WDR90: variants seen among roughly 807,000 people sequenced by gnomAD.
WDR90 encodes the protein WD repeat-containing protein 90.
WDR90 carries 238 observed loss-of-function variants against 195.2 expected under a neutral mutation model. The observed-to-expected ratio is 1.22, with a 90% CI of 1.10 to 1.36. WDR90 has a LOEUF of 1.36. Among genes scored for constraint, WDR90 ranks in the 40% most tolerant of loss-of-function variants. The pLI, the probability that WDR90 is intolerant of heterozygous loss-of-function variation, is 0.00. For synonymous variants in WDR90, 1,265 were observed against 1,052.4 expected, an observed-to-expected ratio of 1.20 and a Z score of -3.91; for missense variants, 2,734 against 2,439.5, an observed-to-expected ratio of 1.12 and a Z score of -2.54.
chr16:658,419 T>C (rs7188691), intron 22 of WDR90, 75 bp downstream of exon 22: 678,797 of 1,578,494 alleles, frequency 0.43, 165,051 homozygotes, highest in East Asian at 0.98. Flanking sequence ...GCCTGCAGCC[T>C]CTCCAGCTGG....
chr16:666,406 A>G, intron 37 of WDR90, 49 bp from the exon 38 acceptor site: 2 of 1,609,416 alleles, frequency 1.2e-6, no homozygotes, highest in Non-Finnish European at 1.7e-6. Flanking sequence ...GGGGGCAGGC[A>G]CCATCTTGGC....
At chr16:656,230 G>A (rs1277175366) in intron 17 of WDR90, 72 bp from the exon 18 acceptor site, 8 of 1,411,828 alleles carry the variant, frequency 5.7e-6, no homozygotes, top group Admixed American at 1.9e-5. Context: ...TGGGGTGTCG[G>A]GGACCCGAAG....
chr16:662,542 C>T, intron 33 of WDR90, 137 bp from the exon 34 acceptor site: 1 of 1,323,148 alleles, frequency 7.6e-7, no homozygotes, highest in Non-Finnish European at 1.0e-6. Context: ...CATGGGCTTT[C>T]TCTTCTTCCA....
At chr16:652,298 A>G (rs1286458427) in intron 9 of WDR90, 169 bp from the exon 10 acceptor site, 2 of 868,714 alleles carry the variant, frequency 2.3e-6, no homozygotes, top group Admixed American at 2.9e-5. Flanking sequence ...TGGCAGTGCA[A>G]CTGGAGTCCC....
chr16:649,465 T>C, intron 1 of WDR90, 39 bp downstream of exon 1: 1 of 1,286,104 alleles, frequency 7.8e-7, no homozygotes, highest in Non-Finnish European at 9.8e-7. Flanking sequence ...GATCCCGGGT[T>C]CCGGGGTTCC....
At position 655,147 on chromosome 16, in the gene WDR90, G is replaced by A. The variant is rs769382317; in HGVS notation, c.1556G>A (p.Arg519Lys). ...CGGGTCACCTTTTTTGATGAAACCA[G>A]GTGATGCAGCCGCCCATCCACGATG... ...AFRVTFFDET[R>K]MASCGQGSVR... Residue 519 changes from arginine (R) to lysine (K), a missense_variant and splice_region_variant, in exon 14 of 41, where the codon AGG (arginine) becomes AAG (lysine). Arg to Lys is a conservative substitution (Grantham distance 26). Coordinates refer to ENST00000293879, the MANE Select transcript of WDR90 (RefSeq NM_145294.5). 1 of 1,612,634 alleles carries A rather than the reference G, an allele frequency of 6.2e-7. No homozygotes were observed. The highest frequency in any genetic ancestry group is 1.7e-5 in the Admixed American group (1 of 60,026).
chr16:656,943 T>G (rs1022406498), intron 19 of WDR90, 72 bp downstream of exon 19: 7 of 1,569,870 alleles, frequency 4.5e-6, no homozygotes, highest in African/African-American at 1.4e-5. Context: ...GTGGGGGTCA[T>G]GTGCAGGATG....
Position 649,820 on chromosome 16 carries a change from G to C in WDR90, c.68G>C (p.Arg23Pro). ...FRHFRVDEWK[R>P]SAKQGDVAVV... is the part of the protein sequence containing the mutation. Reference sequence around the variant, plus strand: ...CACTTCCGGGTGGACGAGTGGAAGCGCTCCGCCAAGCAGGGGGACGTGGCC... The same window carrying C: ...CACTTCCGGGTGGACGAGTGGAAGCCCTCCGCCAAGCAGGGGGACGTGGCC... The change falls in exon 2 of 41, where the codon CGC becomes CCC. Residue 23 changes from arginine to proline, a missense_variant. Arg to Pro is a moderately radical substitution (Grantham distance 103). Coordinates refer to ENST00000293879, the MANE Select transcript of WDR90 (RefSeq NM_145294.5). 1 of 1,582,266 alleles carries C rather than the reference G, an allele frequency of 6.3e-7. No individual in the cohort carries two copies. The highest frequency in any genetic ancestry group is 8.6e-7 in the Non-Finnish European group (1 of 1,164,772).
At chr16:652,132 C>G in intron 9 of WDR90, 93 bp downstream of exon 9, 1 of 1,363,408 alleles carries the variant, frequency 7.3e-7, no homozygotes, top group Non-Finnish European at 1.0e-6. Flanking sequence ...ACGGATGTGC[C>G]TCCAACGGTC....
Position 661,616 on chromosome 16 carries a change from C to A in WDR90, c.3693C>A (p.Thr1231=). 6.3e-7 allele frequency: 1 copy of A among 1,597,368 alleles called. No individual in the cohort carries two copies. The highest frequency in any genetic ancestry group is 8.5e-7 in the Non-Finnish European group (1 of 1,171,150). ...LVTLGDHDGR[T]LALWGTATYD... ...TCCCAGGGGACCACGATGGCCGCAC[C>A]CTCGCCCTGTGGGGCACGGCCACCT... The change falls in exon 31 of 41, where the codon ACC becomes ACA. Residue 1231 remains threonine (T), a synonymous_variant. Transcript: ENST00000293879.
Position 650,336 on chromosome 16 carries a change from T to C in WDR90, c.362T>C (p.Val121Ala). ...STATWLQFPL[V>A]LEARTPQRDL... ...GCCACGTGGCTCCAGTTTCCCTTGG[T>C]CCTGGAGGCCAGGACACCTCAGAGA... The change falls in exon 4 of 41, where the codon GTC becomes GCC. Residue 121 changes from valine (V) to alanine (A), a missense_variant. Physicochemically the swap from Val to Ala is moderately conservative, Grantham distance 64. Transcript: ENST00000293879. 6.2e-7 allele frequency: 1 copy of C among 1,612,790 alleles called. No homozygotes were observed. The highest frequency in any genetic ancestry group is 8.5e-7 in the Non-Finnish European group (1 of 1,179,912).
In WDR90 at chr16:662,233, C is replaced by T; in HGVS notation, c.4047C>T (p.Phe1349=). ...TCCTGCCCCTAGGGCTGTTGCTGTTCTCGGGTTCTCGATTGGTCAGCGGCA... is the reference window on the plus strand; with the variant it reads ...TCCTGCCCCTAGGGCTGTTGCTGTTTTCGGGTTCTCGATTGGTCAGCGGCA... ...ADDGGIGLLL[F]SGSRLVSGSS... is the part of the protein sequence containing the mutation. The change falls in exon 33 of 41, where the codon TTC becomes TTT. Residue 1349 remains phenylalanine (F), a synonymous_variant. Coordinates refer to ENST00000293879, the MANE Select transcript of WDR90 (RefSeq NM_145294.5). The T allele has an allele frequency of 6.4e-7, 1 of 1,573,284 alleles. No homozygotes were observed.
Position 655,312 on chromosome 16 carries a change from C to G in WDR90, c.1562C>G (p.Ala521Gly), listed in dbSNP as rs769605192. Residue 521 changes from alanine to glycine, a missense_variant, in exon 15 of 41, where the codon GCG becomes GGG. Coordinates refer to ENST00000293879, the MANE Select transcript of WDR90 (RefSeq NM_145294.5). ...TCAGTCCTCATTCCTTGCAGGATGG[C>G]GTCGTGCGGGCAGGGCAGTGTGCGG... ...RVTFFDETRMASCGQGSVRLW... is the reference protein window; with the variant it reads ...RVTFFDETRMGSCGQGSVRLW... 6.2e-7 allele frequency: 1 copy of G among 1,605,734 alleles called. No individual in the cohort carries two copies. The highest frequency in any genetic ancestry group is 1.7e-5 in the Admixed American group (1 of 59,974).
At position 653,765 on chromosome 16, in the gene WDR90, C is replaced by T. The variant is rs2037691832; in HGVS notation, c.1399C>T (p.Leu467Phe). 6.2e-7 allele frequency: 1 copy of T among 1,613,274 alleles called. No homozygotes were observed. The highest frequency in any genetic ancestry group is 2.2e-5 in the East Asian group (1 of 44,884). Residue 467 changes from leucine (L) to phenylalanine (F), a missense_variant, in exon 13 of 41, where the codon CTT becomes TTT. Physicochemically the swap from Leu to Phe is conservative, Grantham distance 22 (BLOSUM62 0). Coordinates refer to ENST00000293879, the MANE Select transcript of WDR90 (RefSeq NM_145294.5). ...CSLSFSDSGA[L>F]LCGVGKDHHG... ...TCACAGCTTCTCTGACAGCGGGGCC[C>T]TTCTCTGCGGGGTTGGCAAGGACCA...
At chr16:665,543 A>T in intron 34 of WDR90, 136 bp from the exon 35 acceptor site, 1 of 1,414,688 alleles carries the variant, frequency 7.1e-7, no homozygotes, top group Non-Finnish European at 9.8e-7. Flanking sequence ...CCTTTCCGCC[A>T]TGTGGAGTTG....
intron 1 of WDR90, 150 bp downstream of exon 1, chr16:649,576 C>T (rs1033449709): frequency 5.1e-6 from 6 of 1,171,264 alleles, no homozygotes; most frequent in South Asian, 5.3e-5. Context: ...CGCCCACCCT[C>T]GGGCTCCCGG....
rs756370982 is a variant in WDR90 at position 649,436 on chromosome 16, G to A, written c.10+10G>A. 35 of 1,299,416 alleles carry A rather than the reference G, an allele frequency of 2.7e-5. No individual in the cohort carries two copies. In the African/African-American group the frequency reaches 4.6e-4, roughly 17 times the overall value. 80.5% of individuals were successfully genotyped at this position (1,299,416 alleles called of 1,614,324 possible). A position where few individuals can be genotyped will look rare whatever the true frequency, so the allele number is the denominator to read the frequency against. On this transcript the variant is annotated intron_variant, in intron 1 of 40. Transcript: ENST00000293879. ...GGCGCCATGGCCCGAGGTAGCGCGCGGCTGGCGGGGGTCCCGAGGATCCCG... is the reference window on the plus strand; with the variant it reads ...GGCGCCATGGCCCGAGGTAGCGCGCAGCTGGCGGGGGTCCCGAGGATCCCG...
At chr16:658,123 C>T in intron 21 of WDR90, 60 bp from the exon 22 acceptor site, 6 of 1,563,882 alleles carry the variant, frequency 3.8e-6, no homozygotes, top group Non-Finnish European at 3.5e-6. Context: ...GAGCCTGACC[C>T]TGGGTGGCAC....
intron 34 of WDR90, among the ~76,000 whole-genome samples, chr16:664,708 A>T (rs570926654): frequency 1.2e-4 from 16 of 138,354 alleles, no homozygotes; most frequent in Non-Finnish European, 2.5e-4. Flanking sequence ...TTTGAGACGG[A>T]GTTTCTTGTC....
Sources: gnomAD v4.1 joint callset for allele counts (sites outside exome capture counted in the v4.1 genomes callset) on GRCh38, gnomAD v4.1.1 for gene constraint, MANE v1.5 for transcripts, NCBI Gene and HGNC (gene_info 2026-07-23, HGNC 2026-07-21) for gene names.